The following TEPSIN variants were observed in gnomAD, a reference collection of about 807,000 sequenced individuals.
TEPSIN encodes AP-4 complex accessory subunit tepsin.
TEPSIN carries 50 observed loss-of-function variants against 48.5 expected under a neutral mutation model. The ratio of observed to expected loss-of-function variants is 1.03; its 90% CI spans 0.82 to 1.31. The LOEUF is 1.31. Among genes scored for constraint, TEPSIN ranks in the 50% most tolerant of loss-of-function variants. TEPSIN has a pLI of 0.00. For missense variants in TEPSIN, 838 were observed against 815.9 expected, an observed-to-expected ratio of 1.03 and a Z score of -0.33; for synonymous variants, 392 against 358.8, an observed-to-expected ratio of 1.09 and a Z score of -1.05.
chr17:81,228,879 C>G lies in TEPSIN; in HGVS notation c.*49G>C. ...TTGAGGCTGCTCAGGAAGCACAGAC[C>G]GCCCCAGACAGCAGCTGAAGCTGAA... is the stretch of plus-strand genomic sequence containing the variant. On this transcript the variant is annotated 3_prime_UTR_variant, in exon 13 of 13. Transcript: ENST00000637944. The G allele has an allele frequency of 6.2e-7, 1 of 1,603,316 alleles. No individual in the cohort carries two copies. The highest frequency in any genetic ancestry group is 1.1e-5 in the South Asian group (1 of 89,854).
chr17:81,229,633 GCACCCAGTTGTC>G, intron 12 of TEPSIN, 157 bp from the exon 13 acceptor site: 1 of 751,726 alleles, frequency 1.3e-6, no homozygotes, highest in Admixed American at 3.0e-5. Flanking sequence ...CTGGGGCAGT[GCACCCAGTTGTC>G]ATCCCACCGA....
intron 4 of TEPSIN, among the ~76,000 whole-genome samples, chr17:81,235,615 C>T (rs1393812673): frequency 6.6e-6 from 1 of 152,166 alleles, no homozygotes; most frequent in South Asian, 2.1e-4. Flanking sequence ...CACCCCAGGG[C>T]GTGTCCCCGA....
Position 81,231,853 on chromosome 17 carries a change from G to C in TEPSIN, c.899C>G (p.Ala300Gly), listed in dbSNP as rs1482084938. The C allele has an allele frequency of 1.2e-6, 2 of 1,613,174 alleles. No homozygotes were observed. The highest frequency in any genetic ancestry group is 1.3e-5 in the African/African-American group (1 of 75,044). Residue 300 changes from alanine (A) to glycine (G), a missense_variant, in exon 9 of 13, where the codon GCA becomes GGA. Transcript: ENST00000637944. ...SGASREPGDL[A>G]ERVEVVALSD... ...TCTGGCAGCTCCCGCTCACCTTTCT[G>C]CCAGGTCACCCGGCTCCCGGCTGGC...
At position 81,230,842 on chromosome 17, in the gene TEPSIN, C is replaced by T. The variant is rs1343446285; in HGVS notation, c.1099-164G>A. On this transcript the variant is annotated intron_variant, in intron 11 of 12. Transcript: ENST00000637944. The surrounding 1 kb of genome is among the most constrained non-coding windows in gnomAD (Gnocchi z 4.2). ...ACAGCCCTGTCCTCACCGCCTTACA[C>T]CCCGGATCCCAGACACCACAGCCCT... is the stretch of plus-strand genomic sequence containing the variant. 5 of 891,020 alleles carry T rather than the reference C, an allele frequency of 5.6e-6. No individual in the cohort carries two copies. Among genetic ancestry groups the T allele is most frequent in the African/African-American group, 3.5e-5 (2 of 56,614 alleles). 55.2% of individuals were successfully genotyped at this position (891,020 alleles called of 1,614,324 possible). A position where few individuals can be genotyped will look rare whatever the true frequency, so the allele number is the denominator to read the frequency against.
Position 81,233,033 on chromosome 17 carries a change from T to G in TEPSIN, c.526+399A>C. On this transcript the variant is annotated intron_variant, in intron 7 of 12. Coordinates refer to ENST00000637944, the MANE Select transcript of TEPSIN (RefSeq NM_001363764.2). The surrounding 1 kb of genome is among the most constrained non-coding windows in gnomAD (Gnocchi z 5.8). ...CCCAGCCGCAGGCAGTGGTGCCACC[T>G]GTGGCTCTCCTGGCGCTGGTGAGCA... The G allele has an allele frequency of 3.7e-6, 1 of 269,564 alleles. No individual in the cohort carries two copies. The highest frequency in any genetic ancestry group is 7.1e-6 in the Non-Finnish European group (1 of 140,620). The allele number at this position is 269,564 out of a possible 1,614,324, so 16.7% of individuals were successfully genotyped here.
intron 1 of TEPSIN, chr17:81,238,619 G>A (rs1410148871): frequency 8.9e-7 from 1 of 1,119,844 alleles, no homozygotes; most frequent in Non-Finnish European, 1.1e-6. Flanking sequence ...AGGGAGGACG[G>A]CGGGCTGCCA....
Position 81,236,798 on chromosome 17 carries a change from G to A in TEPSIN, c.217C>T (p.Leu73=), listed in dbSNP as rs1328452377. 5 of 1,564,220 alleles carry A rather than the reference G, an allele frequency of 3.2e-6. No homozygotes were observed. The Admixed American group carries it at 5.7e-5, about 18-fold the overall frequency. ...CTGCACAGATAGAGCAGGATCTTCA[G>A]CACCTGGGGAGTGGGGCGGTCAGCA... is the stretch of plus-strand genomic sequence containing the variant. ...SSSGHGKLKV[L]KILLYLCSHG... The change falls in exon 4 of 13, where the codon CTG becomes TTG. Residue 73 remains leucine (L), a synonymous_variant. Transcript: ENST00000637944.
In TEPSIN at chr17:81,233,341, C is replaced by G; in HGVS notation, c.526+91G>C. ...TAGGGGAGGGGACGGGGGACAGCAG[C>G]TACTAGATGGGGCGGCATGGTCCGG... On this transcript the variant is annotated intron_variant, in intron 7 of 12. Coordinates refer to ENST00000637944, the MANE Select transcript of TEPSIN (RefSeq NM_001363764.2). The surrounding 1 kb of genome is among the most constrained non-coding windows in gnomAD (Gnocchi z 5.8). 1 of 1,452,494 alleles carries G rather than the reference C, an allele frequency of 6.9e-7. No individual in the cohort carries two copies. The highest frequency in any genetic ancestry group is 9.3e-7 in the Non-Finnish European group (1 of 1,071,298). The allele number at this position is 1,452,494 out of a possible 1,614,324, so 90.0% of individuals were successfully genotyped here.
chr17:81,231,561 G>C lies in TEPSIN; in HGVS notation c.1019+17C>G, dbSNP rs747315752. The C allele has an allele frequency of 6.2e-7, 1 of 1,607,816 alleles. No homozygotes were observed. Among genetic ancestry groups the C allele is most frequent in the Non-Finnish European group, 8.5e-7 (1 of 1,177,468 alleles). ...GTTGGGGCTGAGGCAGAGCAGGGCG[G>C]GTCCGGGCGCACTCACGCTTTGATG... On this transcript the variant is annotated intron_variant, in intron 10 of 12. Transcript: ENST00000637944.
rs1326439140 is a variant in TEPSIN at position 81,234,048 on chromosome 17, G to A, written c.308C>T (p.Ala103Val). ...RNSAFIQEAA[A>V]FAGPPDPLHG... ...CAGAGGATCTGGGGGCCCTGCAAAAGCTGCAGAACAGAAAAGGCAAGTCGG... is the reference window on the plus strand; with the variant it reads ...CAGAGGATCTGGGGGCCCTGCAAAAACTGCAGAACAGAAAAGGCAAGTCGG... Residue 103 changes from alanine to valine, a missense_variant and splice_region_variant, in exon 5 of 13, where the codon GCT (alanine) becomes GTT (valine). By Grantham distance (64) the Ala-to-Val change is moderately conservative (BLOSUM62 0). Transcript: ENST00000637944. The surrounding 1 kb of genome is among the most constrained non-coding windows in gnomAD (Gnocchi z 5.4). 6.3e-7 allele frequency: 1 copy of A among 1,589,300 alleles called. No homozygotes were observed. Among genetic ancestry groups the A allele is most frequent in the Non-Finnish European group, 8.5e-7 (1 of 1,172,262 alleles).
At position 81,229,026 on chromosome 17, in the gene TEPSIN, G is replaced by A; in HGVS notation, c.1684C>T (p.Pro562Ser). 1 of 1,613,430 alleles carries A rather than the reference G, an allele frequency of 6.2e-7. No individual in the cohort carries two copies. The highest frequency in any genetic ancestry group is 1.3e-5 in the African/African-American group (1 of 75,018). ...GTTTGGGGGGCGCGGGGAGCATCAG[G>A]ACAGGACTCTCCCGCAGCAGCCCCA... The part of the protein sequence containing the change: ...GAGAAAGESC[P>S]DAPRAPQTSS... The change falls in exon 13 of 13, where the codon CCT becomes TCT. Residue 562 changes from proline to serine, a missense_variant. Transcript: ENST00000637944.
Position 81,233,857 on chromosome 17 carries a change from A to G in TEPSIN, c.375+124T>C. The G allele has an allele frequency of 7.3e-7, 1 of 1,369,112 alleles. No individual in the cohort carries two copies. The highest frequency in any genetic ancestry group is 9.8e-7 in the Non-Finnish European group (1 of 1,015,428). The allele number at this position is 1,369,112 out of a possible 1,614,324, so 84.8% of individuals were successfully genotyped here. ...GGACACAGGCTCTGTGTCCACCAGCAAGGAGCAGAGGCAGGGGTCCCGGAT... is the reference window on the plus strand; with the variant it reads ...GGACACAGGCTCTGTGTCCACCAGCGAGGAGCAGAGGCAGGGGTCCCGGAT... On this transcript the variant is annotated intron_variant, in intron 5 of 12. Coordinates refer to ENST00000637944, the MANE Select transcript of TEPSIN (RefSeq NM_001363764.2). This position sits in a 1 kb window ranked among gnomAD's most constrained non-coding sequence, Gnocchi z 5.8.
At position 81,232,527 on chromosome 17, in the gene TEPSIN, G is replaced by C. The variant is rs963066400; in HGVS notation, c.527-9C>G. The C allele has an allele frequency of 1.2e-5, 18 of 1,527,150 alleles. No individual in the cohort carries two copies. Among genetic ancestry groups the C allele is most frequent in the Non-Finnish European group, 1.6e-5 (18 of 1,141,424 alleles). 94.6% of individuals were successfully genotyped at this position (1,527,150 alleles called of 1,614,324 possible). ...GGCTTCGCCTGCCGAGCCTGTACCC[G>C]AGGAGAGGGAGATGGGACGGCCGCC... On this transcript the variant is annotated splice_polypyrimidine_tract_variant and intron_variant, in intron 7 of 12. Transcript: ENST00000637944.
At chr17:81,237,802 A>G in intron 1 of TEPSIN, 1 of 308,922 alleles carries the variant, frequency 3.2e-6, no homozygotes, top group South Asian at 6.1e-5. Context: ...CTACCTACTG[A>G]CTAGCAAAGC....
In TEPSIN at chr17:81,231,517, C is replaced by G. The variant is rs1598351310; in HGVS notation, c.1020-41G>C. 5.1e-6 allele frequency: 8 copies of G among 1,573,526 alleles called. No homozygotes were observed. The East Asian group carries it at 1.9e-4, about 37-fold the overall frequency. ...ACCTGGGTGGCGGGTGCGGCCCGTT[C>G]CCTCCTCCCTCGCCCACGGTTGGGG... On this transcript the variant is annotated intron_variant, in intron 10 of 12. Transcript: ENST00000637944.
rs2062655503 is a variant in TEPSIN, at chr17:81,233,285, G to C, written c.526+147C>G. ...ACGTCAGCAGCCAGAGAGAGACAGTGGGGACAGCCCCAGGAAGGGTTGAGG... is the reference window on the plus strand; with the variant it reads ...ACGTCAGCAGCCAGAGAGAGACAGTCGGGACAGCCCCAGGAAGGGTTGAGG... On this transcript the variant is annotated intron_variant, in intron 7 of 12. Coordinates refer to ENST00000637944, the MANE Select transcript of TEPSIN (RefSeq NM_001363764.2). The surrounding 1 kb of genome is among the most constrained non-coding windows in gnomAD (Gnocchi z 5.8). 4 of 928,750 alleles carry C rather than the reference G, an allele frequency of 4.3e-6. No individual in the cohort carries two copies. The highest frequency in any genetic ancestry group is 2.7e-5 in the Admixed American group (1 of 36,410). The allele number at this position is 928,750 out of a possible 1,614,324, so 57.5% of individuals were successfully genotyped here. A position where few individuals can be genotyped will look rare whatever the true frequency, so the allele number is the denominator to read the frequency against.
intron 4 of TEPSIN, among the ~76,000 whole-genome samples, chr17:81,235,146 A>G (rs2062698125): frequency 6.6e-6 from 1 of 152,108 alleles, no homozygotes; most frequent in African/African-American, 2.4e-5. Context: ...TTCTCCACAC[A>G]CATAAACATT....
chr17:81,231,447 AG>A lies in TEPSIN; in HGVS notation c.1048del (p.Leu350CysfsTer4). The part of the protein sequence containing the change: ...ACGLLNCEAV[L>X]QLLTCHLRGT... ...ACGCAGGTGGCAGGTCAGCAGCTGC[AG>A]CACGGCCTCACAGTTGAGCAGTCCA... On this transcript the variant is annotated frameshift_variant, in exon 11 of 13. Transcript: ENST00000637944. LOFTEE classifies it high-confidence loss of function. The A allele has an allele frequency of 6.4e-7, 1 of 1,568,488 alleles. No homozygotes were observed. Among genetic ancestry groups the A allele is most frequent in the Non-Finnish European group, 8.6e-7 (1 of 1,156,748 alleles).
At position 81,230,197 on chromosome 17, in the gene TEPSIN, G is replaced by A; in HGVS notation, c.1233+347C>T. 1 of 300,064 alleles carries A rather than the reference G, an allele frequency of 3.3e-6. No homozygotes were observed. The highest frequency in any genetic ancestry group is 6.3e-6 in the Non-Finnish European group (1 of 158,702). 18.6% of individuals were successfully genotyped at this position (300,064 alleles called of 1,614,324 possible). A position where few individuals can be genotyped will look rare whatever the true frequency, so the allele number is the denominator to read the frequency against. On this transcript the variant is annotated intron_variant, in intron 12 of 12. Transcript: ENST00000637944. The surrounding 1 kb of genome is among the most constrained non-coding windows in gnomAD (Gnocchi z 4.2). Reference sequence around the variant, plus strand: ...GGAGTTGAGCATGAGCTGTGTCATGGGTGGCAAACTGCATGTGCAGTCAGG... The same window carrying A: ...GGAGTTGAGCATGAGCTGTGTCATGAGTGGCAAACTGCATGTGCAGTCAGG...
Sources: gnomAD v4.1 joint callset for allele counts (sites outside exome capture counted in the v4.1 genomes callset) on GRCh38, gnomAD v4.1.1 for gene constraint, Gnocchi (gnomAD v3.1) non-coding constraint, MANE v1.5 for transcripts, NCBI Gene and HGNC (gene_info 2026-07-23, HGNC 2026-07-21) for gene names.